PARD3B: variants seen among roughly 807,000 people sequenced by gnomAD.
The protein encoded by PARD3B is par-3 family cell polarity regulator beta.
PARD3B carries 103 observed loss-of-function variants against 130.2 expected under a neutral mutation model. The observed-to-expected ratio is 0.79, with a 90% confidence interval of 0.67 to 0.93. The LOEUF (loss-of-function observed/expected upper bound fraction) is 0.93, where lower values mean the gene tolerates loss of function less well. PARD3B is among the 40% of genes least tolerant of loss of function. The pLI is 0.00. For synonymous variants in PARD3B, 583 were observed against 553.2 expected (o/e 1.05, Z -0.76); for missense variants, 1,609 against 1,499.2 (o/e 1.07, Z -1.21).
intron 2 of PARD3B, among the ~76,000 whole-genome samples, chr2:204,719,128 C>T (rs1282403493): frequency 6.6e-6 from 1 of 152,094 alleles, no homozygotes; most frequent in Non-Finnish European, 1.5e-5. Flanking sequence ...TACTATTGAA[C>T]TTCATTCTTA....
Position 205,009,044 on chromosome 2 carries a change from A to G in PARD3B, c.395-38537A>G, listed in dbSNP as rs559713745. 2.0e-5 allele frequency among the ~76,000 whole-genome samples: 3 copies of G among 152,336 alleles called. No homozygotes were observed. The South Asian group carries it at 6.2e-4, about 32-fold the overall frequency. On this transcript the variant is annotated intron_variant, in intron 3 of 22. Coordinates refer to ENST00000406610, the MANE Select transcript of PARD3B (RefSeq NM_001302769.2). Reference sequence around the variant, plus strand: ...TAAAAGATAGTGCCCGGCATGTAGTAAGGGTACAAATATTTGCTAAATGTA... The same window carrying G: ...TAAAAGATAGTGCCCGGCATGTAGTGAGGGTACAAATATTTGCTAAATGTA...
chr2:204,725,036 A>G (rs1241755369), intron 2 of PARD3B, among the ~76,000 whole-genome samples: 1 of 152,196 alleles, frequency 6.6e-6, no homozygotes, highest in African/African-American at 2.4e-5. Flanking sequence ...CACTGGTGTG[A>G]TAGAAATTTC....
At chr2:205,223,505 G>A (rs1399952629) in intron 15 of PARD3B, among the ~76,000 whole-genome samples, 3 of 152,302 alleles carry the variant, frequency 2.0e-5, no homozygotes, top group Non-Finnish European at 4.4e-5. Context: ...GGCTGTGACT[G>A]CTGCTCATGA....
chr2:205,296,113 G>A (rs1276879307), intron 16 of PARD3B, among the ~76,000 whole-genome samples: 1 of 152,182 alleles, frequency 6.6e-6, no homozygotes, highest in Non-Finnish European at 1.5e-5. Context: ...GACTGTGACA[G>A]TAATGATCAC....
At chr2:205,393,447 C>T (rs771458262) in intron 18 of PARD3B, among the ~76,000 whole-genome samples, 1 of 152,182 alleles carries the variant, frequency 6.6e-6, no homozygotes, top group Non-Finnish European at 1.5e-5. Context: ...AGATGTCAGA[C>T]TTTAATAGTA....
chr2:205,416,566 C>G (rs562281568), intron 19 of PARD3B, among the ~76,000 whole-genome samples: 1 of 152,120 alleles, frequency 6.6e-6, no homozygotes, highest in African/African-American at 2.4e-5. Flanking sequence ...CTGCTAAGCC[C>G]TTGGCCTGCA....
At chr2:205,374,300 A>G (rs1384284238) in intron 18 of PARD3B, among the ~76,000 whole-genome samples, 1 of 152,132 alleles carries the variant, frequency 6.6e-6, no homozygotes, top group African/African-American at 2.4e-5. Context: ...ACAGTGGAGC[A>G]ATCTCAGCTC....
At chr2:205,474,424 C>T (rs2048956471) in intron 20 of PARD3B, among the ~76,000 whole-genome samples, 1 of 152,108 alleles carries the variant, frequency 6.6e-6, no homozygotes, top group Admixed American at 6.6e-5. Flanking sequence ...ATAGTATTTA[C>T]ATGCATATAC....
At chr2:205,485,539 A>G (rs1245096192) in intron 20 of PARD3B, among the ~76,000 whole-genome samples, 1 of 152,166 alleles carries the variant, frequency 6.6e-6, no homozygotes, top group East Asian at 1.9e-4. Context: ...TTCCTTCCAT[A>G]GGTTGTGATA....
intron 15 of PARD3B, among the ~76,000 whole-genome samples, chr2:205,194,025 C>G (rs971411526): frequency 6.6e-6 from 1 of 152,132 alleles, no homozygotes; most frequent in Non-Finnish European, 1.5e-5. Flanking sequence ...CTCAGATACC[C>G]TAGAGCATCA....
At position 205,476,221 on chromosome 2, in the gene PARD3B, G is replaced by A. The variant is rs141007067; in HGVS notation, c.3045-23675G>A. ...CTCTTTAGCCAGACTACACGTTGTC[G>A]GAATGCATGTAGGGTGAGCCACCAG... On this transcript the variant is annotated intron_variant, in intron 20 of 22. Coordinates refer to ENST00000406610, the MANE Select transcript of PARD3B (RefSeq NM_001302769.2). Among the ~76,000 whole-genome samples, 31 of 152,254 alleles carry A rather than the reference G, an allele frequency of 2.0e-4. No individual in the cohort carries two copies. The South Asian group carries it at 2.1e-3, about 10-fold the overall frequency.
Position 204,967,965 on chromosome 2 carries a change from A to G in PARD3B, c.394+2642A>G, listed in dbSNP as rs1157016095. 6.6e-6 allele frequency among the ~76,000 whole-genome samples: 1 copy of G among 152,100 alleles called. No homozygotes were observed. The highest frequency in any genetic ancestry group is 1.5e-5 in the Non-Finnish European group (1 of 68,014). On this transcript the variant is annotated intron_variant, in intron 3 of 22. Coordinates refer to ENST00000406610, the MANE Select transcript of PARD3B (RefSeq NM_001302769.2). The surrounding 1 kb of genome is among the most constrained non-coding windows in gnomAD (Gnocchi z 4.4). ...ACCTGTGCCCCAGCAGTTCCTCCTA[A>G]CAGGGTGCTCATGAAATGTCAGCCA...
At chr2:205,439,704 G>T (rs2047644305) in intron 19 of PARD3B, among the ~76,000 whole-genome samples, 1 of 152,072 alleles carries the variant, frequency 6.6e-6, no homozygotes, top group Non-Finnish European at 1.5e-5. Flanking sequence ...ACTTATATGT[G>T]CCAATTCATC....
At chr2:205,396,636 A>C (rs1381782121) in intron 18 of PARD3B, among the ~76,000 whole-genome samples, 2 of 152,242 alleles carry the variant, frequency 1.3e-5, no homozygotes, top group Non-Finnish European at 2.9e-5. Flanking sequence ...CATGTAAAAA[A>C]AGATTTTATT....
intron 2 of PARD3B, among the ~76,000 whole-genome samples, chr2:204,901,179 C>T (rs1260080671): frequency 6.6e-6 from 1 of 152,106 alleles, no homozygotes; most frequent in Non-Finnish European, 1.5e-5. Flanking sequence ...GTGTCCTTCC[C>T]TTCAGGGCAG....
At chr2:205,612,356 G>A (rs1296733692) in intron 22 of PARD3B, among the ~76,000 whole-genome samples, 1 of 152,102 alleles carries the variant, frequency 6.6e-6, no homozygotes, top group African/African-American at 2.4e-5. Context: ...TCACCAGGCT[G>A]GTCTCAAACT....
chr2:205,103,232 TA>T (rs1702928786), intron 4 of PARD3B, among the ~76,000 whole-genome samples: 1 of 127,506 alleles, frequency 7.8e-6, no homozygotes, highest in African/African-American at 2.9e-5. Flanking sequence ...AAAATAAACA[TA>T]TTTTATATTT....
rs2041453469 is a variant in PARD3B at position 205,287,829 on chromosome 2, T to C, written c.2186-12701T>C. ...GTTTCCATGTACCCTGACATCTCAG[T>C]ACAACCCAGCAAGAATTTCAGTACA... On this transcript the variant is annotated intron_variant, in intron 16 of 22. Transcript: ENST00000406610. The surrounding 1 kb of genome is among the most constrained non-coding windows in gnomAD (Gnocchi z 4.8). Among the ~76,000 whole-genome samples, 1 of 152,072 alleles carries C rather than the reference T, an allele frequency of 6.6e-6. No individual in the cohort carries two copies. Among genetic ancestry groups the C allele is most frequent in the African/African-American group, 2.4e-5 (1 of 41,392 alleles).
intron 11 of PARD3B, among the ~76,000 whole-genome samples, chr2:205,163,397 C>G (rs1307184532): frequency 1.3e-5 from 2 of 152,126 alleles, no homozygotes; most frequent in Non-Finnish European, 2.9e-5. Flanking sequence ...AAGAAAAATG[C>G]CTGACATGGC....
Sources: allele counts gnomAD v4.1 joint callset (sites outside exome capture counted in the v4.1 genomes callset), GRCh38; gene constraint gnomAD v4.1.1; non-coding constraint Gnocchi (gnomAD v3.1); transcripts MANE v1.5; gene names NCBI Gene and HGNC (gene_info 2026-07-23, HGNC 2026-07-21).